CAB39: variants seen among roughly 807,000 people sequenced by gnomAD.
CAB39 encodes calcium binding protein 39, also known as calcium-binding protein 39.
Under a neutral mutation model 40.0 loss-of-function variants are expected in CAB39, and 8 were observed. That is an observed-to-expected ratio of 0.20 (90% CI 0.12 to 0.36). CAB39 has a LOEUF of 0.36. CAB39 is among the 10% of genes least tolerant of loss of function. CAB39 has a pLI of 1.00. For synonymous variants in CAB39, 156 were observed against 141.6 expected, an observed-to-expected ratio of 1.10 and a Z score of -0.72; for missense variants, 270 against 401.1, an observed-to-expected ratio of 0.67 and a Z score of 2.79.
At chr2:230,746,117 A>G (rs1694971710) in intron 1 of CAB39, among the ~76,000 whole-genome samples, 1 of 152,138 alleles carries the variant, frequency 6.6e-6, no homozygotes, top group Non-Finnish European at 1.5e-5. Flanking sequence ...ATTTTTTTGT[A>G]ATACTTGATT....
intron 6 of CAB39, among the ~76,000 whole-genome samples, chr2:230,813,830 G>A (rs935939759): frequency 9.9e-5 from 15 of 152,044 alleles, no homozygotes; most frequent in Non-Finnish European, 8.8e-5. Context: ...CCTCTTCATG[G>A]AAGGGATTGG....
chr2:230,816,780 C>T (rs1490833008), intron 7 of CAB39, among the ~76,000 whole-genome samples: 8 of 152,324 alleles, frequency 5.3e-5, no homozygotes, highest in Admixed American at 3.9e-4. Flanking sequence ...GGCACTGTTC[C>T]ATTATACAGA....
intron 1 of CAB39, among the ~76,000 whole-genome samples, chr2:230,742,603 C>T (rs1694901459): frequency 6.7e-6 from 1 of 149,410 alleles, no homozygotes; most frequent in African/African-American, 2.5e-5. Flanking sequence ...GGATAATGTT[C>T]ATAATTATTC....
chr2:230,791,965 T>G (rs1177775430), intron 3 of CAB39, among the ~76,000 whole-genome samples: 1 of 152,138 alleles, frequency 6.6e-6, no homozygotes, highest in Non-Finnish European at 1.5e-5. Context: ...TCAGCCTGAG[T>G]GAGTGGATGT....
At chr2:230,720,744 G>A (rs1694435526) in intron 1 of CAB39, among the ~76,000 whole-genome samples, 1 of 152,122 alleles carries the variant, frequency 6.6e-6, no homozygotes, top group Admixed American at 6.5e-5. Context: ...TGCCCCTTAT[G>A]CTAGGTACTA....
At chr2:230,748,216 A>G (rs182257008) in intron 1 of CAB39, among the ~76,000 whole-genome samples, 1 of 151,018 alleles carries the variant, frequency 6.6e-6, no homozygotes, top group African/African-American at 2.4e-5. Context: ...CCCTATGGTG[A>G]TGTTAAACTT....
chr2:230,807,879 G>GAGC (rs973747618), intron 5 of CAB39, among the ~76,000 whole-genome samples: 1 of 152,100 alleles, frequency 6.6e-6, no homozygotes, highest in African/African-American at 2.4e-5. Flanking sequence ...ACAGAACAGT[G>GAGC]AGCAGCAAGT....
intron 1 of CAB39, among the ~76,000 whole-genome samples, chr2:230,750,489 C>G (rs1004868113): frequency 6.6e-6 from 1 of 152,170 alleles, no homozygotes; most frequent in Non-Finnish European, 1.5e-5. Flanking sequence ...AACCTCTTCC[C>G]TTTATAAATT....
chr2:230,790,985 TAGTG>T lies in CAB39; in HGVS notation c.229_232del (p.Ser77GlyfsTer7), dbSNP rs1196455052. The T allele has an allele frequency of 6.2e-7, 1 of 1,611,864 alleles. No individual in the cohort carries two copies. Among genetic ancestry groups the T allele is most frequent in the Admixed American group, 1.7e-5 (1 of 59,690 alleles). Reference sequence around the variant, plus strand: ...CTCAACTTGCTCAAGAACTCTATAATAGTGGGCTCCTTAGCACCCTGGTAGCTGA... The same window carrying T: ...CTCAACTTGCTCAAGAACTCTATAATGGCTCCTTAGCACCCTGGTAGCTGA... On this transcript the variant is annotated frameshift_variant, in exon 3 of 9. Transcript: ENST00000258418. LOFTEE classifies it high-confidence loss of function.
intron 2 of CAB39, among the ~76,000 whole-genome samples, chr2:230,786,157 CTG>C (rs1252293634): frequency 1.8e-5 from 2 of 113,238 alleles, no homozygotes; most frequent in Non-Finnish European, 3.3e-5. Flanking sequence ...GAGCAAGACT[CTG>C]TCTCAAAAAA....
At chr2:230,744,201 G>GAGCCACCGTGCCC (rs1694933634) in intron 1 of CAB39, among the ~76,000 whole-genome samples, 1 of 152,152 alleles carries the variant, frequency 6.6e-6, no homozygotes, top group South Asian at 2.1e-4. Context: ...TTACAGGCGT[G>GAGCCACCGTGCCC]AGCCACCGTG....
At chr2:230,791,413 T>C (rs1435398677) in intron 3 of CAB39, among the ~76,000 whole-genome samples, 2 of 152,228 alleles carry the variant, frequency 1.3e-5, no homozygotes, top group African/African-American at 4.8e-5. Context: ...TGTTAGAATT[T>C]CAGAGGAAGA....
intron 1 of CAB39, among the ~76,000 whole-genome samples, chr2:230,752,969 G>T (rs965522099): frequency 2.6e-5 from 4 of 152,158 alleles, no homozygotes; most frequent in African/African-American, 9.7e-5. Flanking sequence ...TAGGCCATTG[G>T]TCGGGCTAGA....
chr2:230,748,890 A>G (rs1233315694), intron 1 of CAB39, among the ~76,000 whole-genome samples: 1 of 123,122 alleles, frequency 8.1e-6, no homozygotes, highest in Admixed American at 9.6e-5. Flanking sequence ...ATTTTTTCCT[A>G]TCCACACTTA....
intron 2 of CAB39, among the ~76,000 whole-genome samples, chr2:230,763,167 G>T (rs892620273): frequency 1.3e-5 from 2 of 152,188 alleles, no homozygotes; most frequent in African/African-American, 4.8e-5. Context: ...AAAAAATTTA[G>T]TGAGAAGTGT....
intron 7 of CAB39, among the ~76,000 whole-genome samples, chr2:230,814,611 C>T (rs116038479): frequency 0.011 from 1,705 of 152,252 alleles, 40 homozygotes; most frequent in African/African-American, 0.039. Context: ...CAAACTACAA[C>T]CCATGGGCTA....
chr2:230,806,279 C>CCAGG (rs536103453), intron 5 of CAB39, among the ~76,000 whole-genome samples: 81 of 152,144 alleles, frequency 5.3e-4, no homozygotes, highest in African/African-American at 1.9e-3. Flanking sequence ...GACTGCGGAC[C>CCAGG]CAGGCAGGCA....
chr2:230,774,896 A>G (rs1346757871), intron 2 of CAB39, among the ~76,000 whole-genome samples: 1 of 152,214 alleles, frequency 6.6e-6, no homozygotes, highest in Non-Finnish European at 1.5e-5. Context: ...GAAAGCATTT[A>G]TCACTGGAAT....
chr2:230,735,809 C>T (rs1694779382), intron 1 of CAB39, among the ~76,000 whole-genome samples: 1 of 152,004 alleles, frequency 6.6e-6, no homozygotes, highest in African/African-American at 2.4e-5. Flanking sequence ...GCTACCATGC[C>T]CAACAACAAA....
Sources: gnomAD v4.1 joint callset for allele counts (sites outside exome capture counted in the v4.1 genomes callset) on GRCh38, gnomAD v4.1.1 for gene constraint, MANE v1.5 for transcripts, NCBI Gene and HGNC (gene_info 2026-07-23, HGNC 2026-07-21) for gene names.